DACH2: variants seen among roughly 807,000 people sequenced by gnomAD.
DACH2 encodes the protein dachshund homolog 2.
Under a neutral mutation model 35.8 loss-of-function variants are expected in DACH2, and 17 were observed. That is an observed-to-expected ratio of 0.48 (90% CI 0.33 to 0.71). The LOEUF (loss-of-function observed/expected upper bound fraction) is 0.71, where lower values mean the gene tolerates loss of function less well. Ranked by LOEUF, DACH2 falls within the 30% of genes least tolerant of loss-of-function variation. The pLI is 0.02. For synonymous variants in DACH2, 195 were observed against 177.3 expected, an observed-to-expected ratio of 1.10 and a Z score of -0.79; for missense variants, 469 against 472.7, an observed-to-expected ratio of 0.99 and a Z score of 0.07.
At chrX:86,403,991 T>C (rs931027908) in intron 2 of DACH2, among the ~76,000 whole-genome samples, 1 of 109,976 alleles carries the variant, frequency 9.1e-6, no homozygotes, top group African/African-American at 3.3e-5. Flanking sequence ...GTTTTTTTTT[T>C]TTTAAAGCAC....
intron 1 of DACH2, among the ~76,000 whole-genome samples, chrX:86,272,766 A>C (rs1409076957): frequency 8.9e-6 from 1 of 112,037 alleles, no homozygotes; most frequent in Non-Finnish European, 1.9e-5. Context: ...GATTCCATAT[A>C]ATAAGATTAG....
At chrX:86,454,994 G>C (rs1045662133) in intron 2 of DACH2, among the ~76,000 whole-genome samples, 3 of 111,409 alleles carry the variant, frequency 2.7e-5, no homozygotes, top group Non-Finnish European at 3.8e-5. Flanking sequence ...TTTTCTGTTT[G>C]TTTGTTTTTC....
At chrX:86,599,506 C>T (rs2039761750) in intron 3 of DACH2, among the ~76,000 whole-genome samples, 1 of 95,456 alleles carries the variant, frequency 1.0e-5, no homozygotes, top group Non-Finnish European at 2.1e-5. Flanking sequence ...TTCTTTCTTT[C>T]TTTCTTTCTT....
intron 1 of DACH2, among the ~76,000 whole-genome samples, chrX:86,311,664 A>G (rs1204510237): frequency 1.8e-5 from 2 of 111,286 alleles, no homozygotes; most frequent in Admixed American, 1.9e-4. Flanking sequence ...GCTGGTCTAG[A>G]GGTCTTAGTT....
At chrX:86,370,461 G>T (rs780941344) in intron 1 of DACH2, among the ~76,000 whole-genome samples, 1 of 111,656 alleles carries the variant, frequency 9.0e-6, no homozygotes, top group South Asian at 3.7e-4. Flanking sequence ...ACAATAGCAG[G>T]ACATGATCAT....
chrX:86,239,854 C>T (rs1321813986), intron 1 of DACH2, among the ~76,000 whole-genome samples: 1 of 111,714 alleles, frequency 9.0e-6, no homozygotes, highest in Non-Finnish European at 1.9e-5. Context: ...TGTTATATAT[C>T]TTTTTCATTT....
chrX:86,388,188 A>G (rs2036149345), intron 2 of DACH2, among the ~76,000 whole-genome samples: 1 of 112,028 alleles, frequency 8.9e-6, no homozygotes, highest in African/African-American at 3.2e-5. Flanking sequence ...TGTTGAGGCT[A>G]CAGCTGCTGG....
At chrX:86,610,697 C>T (rs1177598702) in intron 3 of DACH2, among the ~76,000 whole-genome samples, 1 of 110,394 alleles carries the variant, frequency 9.1e-6, no homozygotes, top group Non-Finnish European at 1.9e-5. Flanking sequence ...ATCTGCCCAC[C>T]TCAGCCTCAC....
At chrX:86,662,441 T>C (rs908359099) in intron 4 of DACH2, among the ~76,000 whole-genome samples, 1 of 110,472 alleles carries the variant, frequency 9.1e-6, no homozygotes, top group Non-Finnish European at 1.9e-5. Flanking sequence ...ATACTAAAAA[T>C]ACAAAAAATT....
chrX:86,285,648 G>T (rs1013969096), intron 1 of DACH2, among the ~76,000 whole-genome samples: 1 of 111,616 alleles, frequency 9.0e-6, no homozygotes, highest in Non-Finnish European at 1.9e-5. Context: ...GCAGTAGGAT[G>T]AAATGTTCTG....
chrX:86,642,374 T>C (rs774877769), intron 3 of DACH2, among the ~76,000 whole-genome samples: 5 of 111,698 alleles, frequency 4.5e-5, no homozygotes, highest in Non-Finnish European at 7.5e-5. Context: ...CATTACATAA[T>C]GGTAAAGTGT....
intron 3 of DACH2, among the ~76,000 whole-genome samples, chrX:86,525,337 C>T (rs1004481264): frequency 1.8e-5 from 2 of 111,824 alleles, no homozygotes; most frequent in Non-Finnish European, 3.8e-5. Flanking sequence ...ATTTATCTGT[C>T]GTTGATCATA....
intron 2 of DACH2, among the ~76,000 whole-genome samples, chrX:86,421,804 G>A (rs1375387649): frequency 9.0e-6 from 1 of 110,944 alleles, no homozygotes; most frequent in Non-Finnish European, 1.9e-5. Context: ...AACTTCTTAG[G>A]TATATGGAAG....
rs1175275504 is a variant in DACH2, at chrX:86,239,047, A to C, written c.488+89939A>C. Among the ~76,000 whole-genome samples, 3 of 111,307 alleles carry C rather than the reference A, an allele frequency of 2.7e-5. No individual in the cohort carries two copies. In the Admixed American group the frequency reaches 2.9e-4, roughly 11 times the overall value. Reference sequence around the variant, plus strand: ...GAATTTGCATTTTTGTAGCCAGTGAACCACTTCTCTGCTAACAGAGAAAGC... The same window carrying C: ...GAATTTGCATTTTTGTAGCCAGTGACCCACTTCTCTGCTAACAGAGAAAGC... On this transcript the variant is annotated intron_variant, in intron 1 of 11. Coordinates refer to ENST00000373125, the MANE Select transcript of DACH2 (RefSeq NM_053281.3).
rs199672194 is a variant in DACH2 at position 86,453,145 on chromosome X, CT to C, written c.528-61132del. ...TGTGGTTTTGAGTGAATTCTTTAAT[CT>C]TGAGTTCTAATTTGATTGTGCTGTG... On this transcript the variant is annotated intron_variant, in intron 2 of 11. Transcript: ENST00000373125. Among the ~76,000 whole-genome samples, 50 of 111,795 alleles carry C rather than the reference CT, an allele frequency of 4.5e-4. No individual in the cohort carries two copies. The East Asian group carries it at 0.012, about 26-fold the overall frequency.
intron 7 of DACH2, among the ~76,000 whole-genome samples, chrX:86,806,137 G>C (rs1002030986): frequency 2.7e-5 from 3 of 111,168 alleles, no homozygotes; most frequent in African/African-American, 9.8e-5. Flanking sequence ...TTGAGACTGG[G>C]TAACTTATAA....
chrX:86,489,550 G>A (rs904601306), intron 2 of DACH2, among the ~76,000 whole-genome samples: 4 of 111,084 alleles, frequency 3.6e-5, no homozygotes, highest in Admixed American at 2.9e-4. Flanking sequence ...AATATGTGAA[G>A]TAATGCGTAT....
chrX:86,737,904 C>T (rs1361149105), intron 6 of DACH2, among the ~76,000 whole-genome samples: 1 of 111,124 alleles, frequency 9.0e-6, no homozygotes, highest in Non-Finnish European at 1.9e-5. Flanking sequence ...TCAGCCCTTT[C>T]TCTCTCCCTC....
chrX:86,479,240 G>A (rs141518978), intron 2 of DACH2, among the ~76,000 whole-genome samples: 1,180 of 111,087 alleles, frequency 0.011, 3 homozygotes, highest in Non-Finnish European at 0.017. Flanking sequence ...AGGGTCTTGG[G>A]GTTTTTATGG....
Sources: allele counts gnomAD v4.1 joint callset (sites outside exome capture counted in the v4.1 genomes callset), GRCh38; gene constraint gnomAD v4.1.1; transcripts MANE v1.5; gene names NCBI Gene and HGNC (gene_info 2026-07-23, HGNC 2026-07-21).